Variants in SLC35F3 observed in about 807,000 individuals in gnomAD.
SLC35F3 encodes putative thiamine transporter SLC35F3.
Under a neutral mutation model 49.9 loss-of-function variants are expected in SLC35F3, and 25 were observed. The observed-to-expected ratio is 0.50, with a 90% CI of 0.37 to 0.70. The LOEUF is 0.70. Ranked by LOEUF, SLC35F3 falls within the 30% of genes least tolerant of loss-of-function variation. SLC35F3 has a pLI of 0.00. For synonymous variants in SLC35F3, 275 were observed against 265.4 expected (o/e 1.04, Z -0.35); for missense variants, 525 against 639.8 (o/e 0.82, Z 1.94).
intron 2 of SLC35F3, among the ~76,000 whole-genome samples, chr1:234,210,905 G>T (rs556535396): frequency 6.6e-6 from 1 of 152,224 alleles, no homozygotes; most frequent in Admixed American, 6.5e-5. Flanking sequence ...CGTGACAGAG[G>T]TCTTCACAAC....
At chr1:234,106,941 AT>A (rs1665293259) in intron 2 of SLC35F3, among the ~76,000 whole-genome samples, 1 of 152,236 alleles carries the variant, frequency 6.6e-6, no homozygotes, top group Non-Finnish European at 1.5e-5. Flanking sequence ...CCTTCTTGTC[AT>A]TTATAAAATT....
At chr1:234,309,912 A>G (rs984656341) in intron 4 of SLC35F3, among the ~76,000 whole-genome samples, 1 of 152,194 alleles carries the variant, frequency 6.6e-6, no homozygotes, top group African/African-American at 2.4e-5. Flanking sequence ...GTGAAATTAT[A>G]TCCCTTGAAT....
At chr1:234,207,193 A>T (rs1206192847) in intron 2 of SLC35F3, among the ~76,000 whole-genome samples, 1 of 151,758 alleles carries the variant, frequency 6.6e-6, no homozygotes, top group Non-Finnish European at 1.5e-5. Context: ...TGGTCTCCAA[A>T]AAAAGCTTCC....
intron 2 of SLC35F3, among the ~76,000 whole-genome samples, chr1:234,033,918 C>T (rs901738886): frequency 1.3e-5 from 2 of 152,106 alleles, no homozygotes; most frequent in South Asian, 2.1e-4. Flanking sequence ...TGATGGGAAT[C>T]GCATCGAATA....
chr1:233,935,022 G>A (rs1201444169), intron 2 of SLC35F3, among the ~76,000 whole-genome samples: 2 of 151,294 alleles, frequency 1.3e-5, no homozygotes, highest in Non-Finnish European at 2.9e-5. Context: ...CAAGATCTCT[G>A]TGCTGAAATT....
chr1:233,951,205 T>A (rs1571993397), intron 2 of SLC35F3, among the ~76,000 whole-genome samples: 1 of 151,634 alleles, frequency 6.6e-6, no homozygotes, highest in Non-Finnish European at 1.5e-5. Flanking sequence ...GGACTGCATA[T>A]GCAATGATGC....
chr1:234,206,968 T>C (rs965746368), intron 2 of SLC35F3, among the ~76,000 whole-genome samples: 2 of 152,066 alleles, frequency 1.3e-5, no homozygotes, highest in African/African-American at 4.8e-5. Context: ...TGAGGGCCAT[T>C]CTCCTTGATT....
intron 2 of SLC35F3, among the ~76,000 whole-genome samples, chr1:234,160,220 A>C (rs1282558019): frequency 6.6e-6 from 1 of 152,202 alleles, no homozygotes; most frequent in East Asian, 1.9e-4. Context: ...GCCTACACAT[A>C]ACAATTTTAA....
chr1:234,132,849 A>C (rs1213457773), intron 2 of SLC35F3, among the ~76,000 whole-genome samples: 1 of 152,230 alleles, frequency 6.6e-6, no homozygotes, highest in East Asian at 1.9e-4. Context: ...CCACTCCAAA[A>C]TATGAACATT....
At chr1:234,099,896 T>A (rs144309316) in intron 2 of SLC35F3, among the ~76,000 whole-genome samples, 1 of 152,330 alleles carries the variant, frequency 6.6e-6, no homozygotes, top group African/African-American at 2.4e-5. Flanking sequence ...TTAGAAGTAT[T>A]TGCTAAGTGC....
intron 2 of SLC35F3, among the ~76,000 whole-genome samples, chr1:233,955,878 CTTTTTTTTTT>C (rs869035917): frequency 2.1e-5 from 1 of 48,104 alleles, no homozygotes; most frequent in Non-Finnish European, 3.6e-5. Flanking sequence ...GTGTGGGTAT[CTTTTTTTTTT>C]TTTTTTTTTT....
At chr1:233,907,702 A>G (rs1037468669) in intron 2 of SLC35F3, among the ~76,000 whole-genome samples, 2 of 138,470 alleles carry the variant, frequency 1.4e-5, no homozygotes, top group East Asian at 2.1e-4. Context: ...GCAGCAAAAG[A>G]GGTTGTCTTT....
chr1:234,193,920 G>A (rs1021682823), intron 2 of SLC35F3, among the ~76,000 whole-genome samples: 3 of 152,156 alleles, frequency 2.0e-5, no homozygotes, highest in Admixed American at 1.3e-4. Context: ...TGCAAGAATA[G>A]CCATAAATCA....
In SLC35F3 at chr1:234,168,828, G is replaced by A. The variant is rs550908724; in HGVS notation, c.284-62589G>A. 9.2e-5 allele frequency among the ~76,000 whole-genome samples: 14 copies of A among 152,332 alleles called. No individual in the cohort carries two copies. In the South Asian group the frequency reaches 2.1e-3, roughly 23 times the overall value. ...CTCTAGGCAGGAGCAGACACACAGC[G>A]AAACGACCCCAGCCCTGCCTATTGG... On this transcript the variant is annotated intron_variant, in intron 2 of 7. Coordinates refer to ENST00000366618, the MANE Select transcript of SLC35F3 (RefSeq NM_173508.4).
chr1:234,006,124 A>T (rs1333696448), intron 2 of SLC35F3, among the ~76,000 whole-genome samples: 1 of 152,268 alleles, frequency 6.6e-6, no homozygotes, highest in Non-Finnish European at 1.5e-5. Flanking sequence ...GTTTGAATCT[A>T]CTGGAGCCCA....
chr1:234,124,896 G>A (rs1665625317), intron 2 of SLC35F3, among the ~76,000 whole-genome samples: 1 of 152,146 alleles, frequency 6.6e-6, no homozygotes, highest in Admixed American at 6.5e-5. Context: ...TCTGGTGATG[G>A]AGACTCTGTG....
intron 2 of SLC35F3, among the ~76,000 whole-genome samples, chr1:234,151,775 A>G (rs1246690029): frequency 1.3e-5 from 2 of 152,192 alleles, no homozygotes; most frequent in Non-Finnish European, 2.9e-5. Flanking sequence ...GATCAAACAT[A>G]CAGCTCATAG....
intron 2 of SLC35F3, among the ~76,000 whole-genome samples, chr1:233,941,828 C>T (rs766852064): frequency 6.6e-6 from 1 of 152,120 alleles, no homozygotes; most frequent in Non-Finnish European, 1.5e-5. Flanking sequence ...GAAAACTGCA[C>T]CCATTTAATG....
At chr1:234,099,329 C>T (rs966496851) in intron 2 of SLC35F3, among the ~76,000 whole-genome samples, 5 of 151,970 alleles carry the variant, frequency 3.3e-5, no homozygotes, top group Admixed American at 1.3e-4. Context: ...AAGATTTTAC[C>T]GGCCGTGCGC....
Sources: gnomAD v4.1 joint callset for allele counts (sites outside exome capture counted in the v4.1 genomes callset) on GRCh38, gnomAD v4.1.1 for gene constraint, MANE v1.5 for transcripts, NCBI Gene and HGNC (gene_info 2026-07-23, HGNC 2026-07-21) for gene names.